Variants in ITPRID1 observed in about 807,000 individuals in gnomAD.
ITPRID1 encodes ITPR interacting domain containing 1.
In ITPRID1, 96 loss-of-function variants were observed where a neutral mutation model predicts 95.4. The observed-to-expected ratio is 1.01, with a 90% CI of 0.85 to 1.19. ITPRID1 has a LOEUF of 1.19. ITPRID1 is among the 50% of genes most tolerant of loss of function. The probability of loss-of-function intolerance (pLI) is 0.00; values close to 1 mark genes in which losing one functional copy is unlikely to be tolerated. For synonymous variants in ITPRID1, 510 were observed against 453.6 expected, an observed-to-expected ratio of 1.12 and a Z score of -1.58; for missense variants, 1,339 against 1,252.9, an observed-to-expected ratio of 1.07 and a Z score of -1.04.
chr7:31,633,828 G>A (rs956758375), intron 10 of ITPRID1, among the ~76,000 whole-genome samples: 1 of 152,190 alleles, frequency 6.6e-6, no homozygotes, highest in African/African-American at 2.4e-5. Context: ...ACAGTCTGAG[G>A]TTGAAACATT....
chr7:31,563,059 C>T lies in ITPRID1; in HGVS notation c.257-6699C>T, dbSNP rs187394145. Among the ~76,000 whole-genome samples the T allele has an allele frequency of 2.0e-5, 3 of 152,226 alleles. No individual in the cohort carries two copies. The East Asian group carries it at 5.8e-4, about 29-fold the overall frequency. ...GAATCATCTGTAAATTATCTGATTTCCCCAAAGTTAGTCGACAAAAGGAGC... is the reference window on the plus strand; with the variant it reads ...GAATCATCTGTAAATTATCTGATTTTCCCAAAGTTAGTCGACAAAAGGAGC... On this transcript the variant is annotated intron_variant, in intron 5 of 14. Transcript: ENST00000615280.
chr7:31,539,063 A>G (rs909100078), intron 1 of ITPRID1, among the ~76,000 whole-genome samples: 1 of 152,224 alleles, frequency 6.6e-6, no homozygotes, highest in Non-Finnish European at 1.5e-5. Context: ...TGGATGTACC[A>G]GTTTATGTAT....
At chr7:31,650,195 T>A (rs1562659617) in intron 12 of ITPRID1, among the ~76,000 whole-genome samples, 2 of 152,232 alleles carry the variant, frequency 1.3e-5, no homozygotes, top group Non-Finnish European at 2.9e-5. Context: ...TTTACAATTA[T>A]AATCAACATT....
At chr7:31,627,931 T>C (rs1397667422) in intron 10 of ITPRID1, among the ~76,000 whole-genome samples, 1 of 152,186 alleles carries the variant, frequency 6.6e-6, no homozygotes, top group Admixed American at 6.5e-5. Context: ...CAAAAGGGTT[T>C]AACTGAAGAG....
intron 10 of ITPRID1, among the ~76,000 whole-genome samples, chr7:31,611,996 G>A (rs1786890357): frequency 6.6e-6 from 1 of 151,698 alleles, no homozygotes; most frequent in Non-Finnish European, 1.5e-5. Flanking sequence ...TGGTATATTT[G>A]ATGGTGTTTC....
chr7:31,637,306 C>T (rs1473207301), intron 10 of ITPRID1, among the ~76,000 whole-genome samples: 6 of 152,196 alleles, frequency 3.9e-5, no homozygotes, highest in East Asian at 1.9e-4. Context: ...CCTGAGGAAT[C>T]GCCACACTGA....
At chr7:31,566,741 C>T (rs924466947) in intron 5 of ITPRID1, among the ~76,000 whole-genome samples, 1 of 152,158 alleles carries the variant, frequency 6.6e-6, no homozygotes, top group African/African-American at 2.4e-5. Context: ...AATAAGGTGG[C>T]AAATGGGCTT....
At chr7:31,603,548 A>C (rs2128160873) in intron 10 of ITPRID1, among the ~76,000 whole-genome samples, 1 of 152,302 alleles carries the variant, frequency 6.6e-6, no homozygotes, top group South Asian at 2.1e-4. Flanking sequence ...CTTGATGCTA[A>C]GTTCTATAGA....
At chr7:31,585,180 C>A (rs571164727) in intron 10 of ITPRID1, among the ~76,000 whole-genome samples, 1 of 152,186 alleles carries the variant, frequency 6.6e-6, no homozygotes, top group Non-Finnish European at 1.5e-5. Context: ...GCTGGCCAGC[C>A]CACAGAGTCA....
intron 10 of ITPRID1, among the ~76,000 whole-genome samples, chr7:31,587,671 C>T (rs968945652): frequency 7.3e-5 from 11 of 151,554 alleles, no homozygotes; most frequent in African/African-American, 1.9e-4. Flanking sequence ...AAAAAGAGCC[C>T]GCGTCACCAA....
At chr7:31,618,216 G>T (rs1787454870) in intron 10 of ITPRID1, among the ~76,000 whole-genome samples, 1 of 152,148 alleles carries the variant, frequency 6.6e-6, no homozygotes, top group African/African-American at 2.4e-5. Context: ...CTTCATGTAT[G>T]TCTGTCTTCC....
rs576097328 is a variant in ITPRID1 at position 31,532,905 on chromosome 7, C to T, written c.-97-16521C>T. On this transcript the variant is annotated intron_variant, in intron 1 of 14. Transcript: ENST00000615280. Reference sequence around the variant, plus strand: ...CTTGGGTTATCCATTTTACATATGGCTGGATTTATTTGCTAATATTTTGTT... The same window carrying T: ...CTTGGGTTATCCATTTTACATATGGTTGGATTTATTTGCTAATATTTTGTT... Among the ~76,000 whole-genome samples the T allele has an allele frequency of 4.3e-4, 66 of 152,260 alleles. 1 individual carries two copies. The highest frequency in any genetic ancestry group is 1.6e-3 in the African/African-American group (65 of 41,556).
At chr7:31,599,655 C>CT (rs1562598964) in intron 10 of ITPRID1, among the ~76,000 whole-genome samples, 2 of 20,934 alleles carry the variant, frequency 9.6e-5, no homozygotes, top group African/African-American at 1.5e-4. Flanking sequence ...CTTTTTCTTT[C>CT]TTTCCTTTCT....
intron 1 of ITPRID1, among the ~76,000 whole-genome samples, chr7:31,530,647 T>C (rs1451097607): frequency 1.3e-5 from 2 of 152,198 alleles, no homozygotes; most frequent in African/African-American, 4.8e-5. Context: ...AAATCATCCA[T>C]TTCTCACTGT....
intron 10 of ITPRID1, among the ~76,000 whole-genome samples, chr7:31,599,633 C>CTT (rs550292196): frequency 2.1e-5 from 1 of 48,468 alleles, no homozygotes; most frequent in African/African-American, 7.0e-5. Context: ...TTCTTTCTTT[C>CTT]TTTCTTTCTT....
intron 10 of ITPRID1, among the ~76,000 whole-genome samples, chr7:31,631,174 C>T (rs977424179): frequency 2.6e-5 from 4 of 151,908 alleles, no homozygotes; most frequent in Non-Finnish European, 1.5e-5. Context: ...TTCCAAACTG[C>T]GGAAGAGCAG....
At chr7:31,631,242 C>A (rs1788964207) in intron 10 of ITPRID1, among the ~76,000 whole-genome samples, 2 of 152,020 alleles carry the variant, frequency 1.3e-5, no homozygotes, top group Non-Finnish European at 2.9e-5. Flanking sequence ...AATTATGCTA[C>A]CAAAATCTGG....
chr7:31,629,682 GCATCCT>G (rs778116873), intron 10 of ITPRID1, among the ~76,000 whole-genome samples: 3 of 152,158 alleles, frequency 2.0e-5, no homozygotes, highest in Non-Finnish European at 4.4e-5. Flanking sequence ...CTCTCAAAAA[GCATCCT>G]CATATTAGAT....
intron 12 of ITPRID1, 145 bp from the exon 13 acceptor site, chr7:31,650,997 T>C: frequency 1.3e-6 from 1 of 774,980 alleles, no homozygotes; most frequent in South Asian, 2.2e-5. Flanking sequence ...AATATTGGGC[T>C]CTTCCTATTC....
Sources: gnomAD v4.1 joint callset for allele counts (sites outside exome capture counted in the v4.1 genomes callset) on GRCh38, gnomAD v4.1.1 for gene constraint, MANE v1.5 for transcripts, NCBI Gene and HGNC (gene_info 2026-07-23, HGNC 2026-07-21) for gene names.